The following NUDT3 variants were observed in gnomAD, a reference collection of about 807,000 sequenced individuals.
The protein encoded by NUDT3 is diphosphoinositol polyphosphate phosphohydrolase 1.
NUDT3 carries 9 observed loss-of-function variants against 23.6 expected under a neutral mutation model. The observed-to-expected ratio is 0.38, with a 90% confidence interval of 0.23 to 0.66. NUDT3 has a LOEUF of 0.66. Among genes scored for constraint, NUDT3 ranks in the 30% least tolerant of loss-of-function variants. NUDT3 has a pLI of 0.52. For synonymous variants in NUDT3, 86 were observed against 82.6 expected (o/e 1.04, Z -0.22); for missense variants, 172 against 218.5 (o/e 0.79, Z 1.34).
chr6:34,321,208 C>A (rs60933648), intron 2 of NUDT3, among the ~76,000 whole-genome samples: 1,621 of 152,106 alleles, frequency 0.011, 30 homozygotes, highest in African/African-American at 0.037. Flanking sequence ...GAGGCCGAGG[C>A]AGGTGGATTG....
chr6:34,373,270 C>T (rs1347704695), intron 1 of NUDT3, among the ~76,000 whole-genome samples: 1 of 145,440 alleles, frequency 6.9e-6, no homozygotes, highest in Non-Finnish European at 1.5e-5. Context: ...CTGAGAAAGA[C>T]TCCGTCTCAA....
At chr6:34,313,824 G>A (rs1339292939) in intron 2 of NUDT3, among the ~76,000 whole-genome samples, 3 of 152,052 alleles carry the variant, frequency 2.0e-5, no homozygotes, top group South Asian at 2.1e-4. Flanking sequence ...TAGGCCAAGC[G>A]CGGTGGCTCA....
At chr6:34,320,668 T>C (rs915042736) in intron 2 of NUDT3, among the ~76,000 whole-genome samples, 4 of 152,010 alleles carry the variant, frequency 2.6e-5, no homozygotes, top group African/African-American at 9.7e-5. Context: ...ACCCCATTTC[T>C]ACAAAAAATA....
At position 34,317,934 on chromosome 6, in the gene NUDT3, T is replaced by C. The variant is rs933803688; in HGVS notation, c.211-22249A>G. Reference sequence around the variant, plus strand: ...CAATGATCTCCATGTGAACCATCTCTTTCCCAACTCATCTTATCCTCACAA... The same window carrying C: ...CAATGATCTCCATGTGAACCATCTCCTTCCCAACTCATCTTATCCTCACAA... On this transcript the variant is annotated intron_variant, in intron 2 of 4. Coordinates refer to ENST00000607016, the MANE Select transcript of NUDT3 (RefSeq NM_006703.4). Among the ~76,000 whole-genome samples the C allele has an allele frequency of 2.2e-4, 34 of 152,208 alleles. 1 individual carries two copies. The highest frequency in any genetic ancestry group is 2.9e-5 in the Non-Finnish European group (2 of 68,040).
At chr6:34,354,146 G>A (rs1475091885) in intron 1 of NUDT3, among the ~76,000 whole-genome samples, 1 of 151,786 alleles carries the variant, frequency 6.6e-6, no homozygotes, top group African/African-American at 2.4e-5. Context: ...TCAAACTCCT[G>A]ACCTCAGGTG....
chr6:34,363,904 C>G (rs943501999), intron 1 of NUDT3, among the ~76,000 whole-genome samples: 2 of 152,062 alleles, frequency 1.3e-5, no homozygotes, highest in Non-Finnish European at 2.9e-5. Flanking sequence ...TCCCAAGTAG[C>G]TGGGATTACA....
intron 2 of NUDT3, among the ~76,000 whole-genome samples, chr6:34,305,838 C>T (rs78660559): frequency 0.083 from 12,606 of 152,120 alleles, 695 homozygotes; most frequent in Non-Finnish European, 0.12. Flanking sequence ...TTCAAGCTGG[C>T]TCTGTTGTTG....
chr6:34,338,626 A>C (rs965517925), intron 2 of NUDT3, among the ~76,000 whole-genome samples: 1 of 152,142 alleles, frequency 6.6e-6, no homozygotes, highest in Non-Finnish European at 1.5e-5. Flanking sequence ...GAAGGTGCAG[A>C]CTCTGAACTG....
At chr6:34,369,499 G>A (rs1021135874) in intron 1 of NUDT3, among the ~76,000 whole-genome samples, 10 of 152,128 alleles carry the variant, frequency 6.6e-5, no homozygotes, top group African/African-American at 2.2e-4. Flanking sequence ...CAGAGGAGAC[G>A]GCTGCTCTGA....
chr6:34,358,186 T>G (rs1187602388), intron 1 of NUDT3, among the ~76,000 whole-genome samples: 1 of 152,000 alleles, frequency 6.6e-6, no homozygotes, highest in Non-Finnish European at 1.5e-5. Context: ...TTCACTCTTC[T>G]TTTTCAGAGT....
intron 2 of NUDT3, among the ~76,000 whole-genome samples, chr6:34,334,931 A>AAAAAGG (rs1201633624): frequency 6.6e-6 from 1 of 151,918 alleles, no homozygotes; most frequent in Non-Finnish European, 1.5e-5. Context: ...AAAGAAAAAA[A>AAAAAGG]AAAAGGAAAA....
Position 34,356,846 on chromosome 6 carries a change from TG to T in NUDT3, c.100-14875del, listed in dbSNP as rs553767507. Among the ~76,000 whole-genome samples, 18 of 152,276 alleles carry T rather than the reference TG, an allele frequency of 1.2e-4. No homozygotes were observed. In the East Asian group the frequency reaches 3.5e-3, roughly 29 times the overall value. On this transcript the variant is annotated intron_variant, in intron 1 of 4. Transcript: ENST00000607016. ...AGGCTGGAGTGCAGTGGCGCAATCT[TG>T]GCTCACTGCAAGCTCCGCCTTACAG...
intron 1 of NUDT3, among the ~76,000 whole-genome samples, chr6:34,380,835 G>A (rs1032760805): frequency 3.3e-5 from 5 of 152,136 alleles, no homozygotes; most frequent in Admixed American, 6.5e-5. Context: ...CTGGGCCTCT[G>A]ACTTAGACGG....
At chr6:34,303,197 A>ATTTTTT (rs55915428) in intron 2 of NUDT3, among the ~76,000 whole-genome samples, 5 of 74,548 alleles carry the variant, frequency 6.7e-5, no homozygotes, top group African/African-American at 1.5e-4. Context: ...ATACCTGGCA[A>ATTTTTT]TTTTTTTTTT....
chr6:34,323,580 AAAGAAAC>A (rs1763978221), intron 2 of NUDT3, among the ~76,000 whole-genome samples: 1 of 152,164 alleles, frequency 6.6e-6, no homozygotes. Context: ...AAAAAAGAGA[AAAGAAAC>A]AAGAAACAAA....
chr6:34,345,004 T>TA lies in NUDT3; in HGVS notation c.100-3033dup, dbSNP rs1039771848. Among the ~76,000 whole-genome samples, 30 of 151,114 alleles carry TA rather than the reference T, an allele frequency of 2.0e-4. 1 individual carries two copies. Among genetic ancestry groups the TA allele is most frequent in the African/African-American group, 4.4e-4 (18 of 41,204 alleles). Reference sequence around the variant, plus strand: ...TATGTTACATGAATTCCATTTTGATTAAAAAAAAAGAAAACTAGTTTTGCA... The same window carrying TA: ...TATGTTACATGAATTCCATTTTGATTAAAAAAAAAAGAAAACTAGTTTTGCA... On this transcript the variant is annotated intron_variant, in intron 1 of 4. Transcript: ENST00000607016.
At position 34,351,075 on chromosome 6, in the gene NUDT3, C is replaced by T. The variant is rs604700; in HGVS notation, c.100-9103G>A. On this transcript the variant is annotated intron_variant, in intron 1 of 4. Coordinates refer to ENST00000607016, the MANE Select transcript of NUDT3 (RefSeq NM_006703.4). The stretch of plus-strand genomic sequence containing the variant: ...AAAAAAGAACACTTTGGTGGCCAGG[C>T]GCGGTGGCTCACCCCTGTAATCCCA... Among the ~76,000 whole-genome samples the T allele has an allele frequency of 1.1e-4, 17 of 148,400 alleles. No individual in the cohort carries two copies. The East Asian group carries it at 2.3e-3, about 20-fold the overall frequency.
intron 1 of NUDT3, among the ~76,000 whole-genome samples, chr6:34,353,148 CTT>C (rs1042128990): frequency 1.2e-4 from 18 of 152,090 alleles, no homozygotes; most frequent in African/African-American, 3.4e-4. Flanking sequence ...CATATTTATT[CTT>C]TTCTTTCCCC....
chr6:34,364,808 C>A (rs544259877), intron 1 of NUDT3, among the ~76,000 whole-genome samples: 1 of 150,540 alleles, frequency 6.6e-6, no homozygotes, highest in Non-Finnish European at 1.5e-5. Context: ...CTGAGGCGGG[C>A]GGATCACGAG....
Sources: gnomAD v4.1 joint callset for allele counts (sites outside exome capture counted in the v4.1 genomes callset) on GRCh38, gnomAD v4.1.1 for gene constraint, MANE v1.5 for transcripts, NCBI Gene and HGNC (gene_info 2026-07-23, HGNC 2026-07-21) for gene names.